Variants in ATAD2B observed in about 807,000 individuals in gnomAD.
ATAD2B encodes the protein ATPase family AAA domain containing 2B.
ATAD2B carries 40 observed loss-of-function variants against 167.6 expected under a neutral mutation model. The observed-to-expected ratio is 0.24, with a 90% CI of 0.19 to 0.31. ATAD2B has a LOEUF of 0.31. Among genes scored for constraint, ATAD2B ranks in the 10% least tolerant of loss-of-function variants. ATAD2B has a pLI of 1.00. For synonymous variants in ATAD2B, 579 were observed against 596.5 expected (o/e 0.97, Z 0.43); for missense variants, 1,242 against 1,757.2 (o/e 0.71, Z 5.24).
In ATAD2B at chr2:23,880,645, G is replaced by C; in HGVS notation, c.895C>G (p.Pro299Ala). 1.9e-6 allele frequency: 3 copies of C among 1,586,216 alleles called. No homozygotes were observed. Among genetic ancestry groups the C allele is most frequent in the Non-Finnish European group, 2.6e-6 (3 of 1,159,944 alleles). ...RKTVDRYQAPPIVPAHQKKRE... is the reference protein window; with the variant it reads ...RKTVDRYQAPAIVPAHQKKRE... ...GTTATTTAGAGTTGCCTACCTATTGGAGGTGCTTGGTATCGATCCACTGTT... is the reference window on the plus strand; with the variant it reads ...GTTATTTAGAGTTGCCTACCTATTGCAGGTGCTTGGTATCGATCCACTGTT... Residue 299 changes from proline to alanine, a missense_variant, in exon 7 of 28, where the codon CCA becomes GCA. Physicochemically the swap from Pro to Ala is conservative, Grantham distance 27 (BLOSUM62 -1). Transcript: ENST00000238789.
chr2:23,858,754 A>T (rs951684884), intron 12 of ATAD2B, among the ~76,000 whole-genome samples: 1 of 152,078 alleles, frequency 6.6e-6, no homozygotes, highest in African/African-American at 2.4e-5. Context: ...ATGTGCTGGG[A>T]TTACAGGTCT....
intron 16 of ATAD2B, among the ~76,000 whole-genome samples, chr2:23,822,288 A>G (rs1260101488): frequency 1.3e-5 from 2 of 152,212 alleles, no homozygotes; most frequent in Admixed American, 1.3e-4. Flanking sequence ...TAATCCCAGC[A>G]CTTTGGGAGG....
intron 1 of ATAD2B, among the ~76,000 whole-genome samples, chr2:23,922,788 C>T (rs531841173): frequency 2.0e-5 from 3 of 150,730 alleles, no homozygotes; most frequent in Admixed American, 1.3e-4. Flanking sequence ...CAGGGAAATG[C>T]AAATCAAAAC....
chr2:23,705,765 GAA>G, the ATAD2B span, among the ~76,000 whole-genome samples: 1 of 152,204 alleles, frequency 6.6e-6, no homozygotes, highest in Non-Finnish European at 1.5e-5. Context: ...TAGCTGAAAT[GAA>G]AGAGTGTCAG....
At chr2:23,875,055 C>CAAA (rs66995474) in intron 8 of ATAD2B, among the ~76,000 whole-genome samples, 14,307 of 126,914 alleles carry the variant, frequency 0.11, 958 homozygotes, top group Middle Eastern at 0.21. Flanking sequence ...GATTCCATCT[C>CAAA]AAAAAAAAAA....
At chr2:23,720,663 T>G in the ATAD2B span, among the ~76,000 whole-genome samples, 1 of 150,948 alleles carries the variant, frequency 6.6e-6, no homozygotes, top group East Asian at 2.0e-4. Flanking sequence ...CAGATCCGCC[T>G]GGAGTCAGGA....
At position 23,765,604 on chromosome 2, in the gene ATAD2B, C is replaced by A; in HGVS notation, c.3158G>T (p.Cys1053Phe). The A allele has an allele frequency of 6.6e-7, 1 of 1,509,738 alleles. No homozygotes were observed. The allele number at this position is 1,509,738 out of a possible 1,614,324, so 93.5% of individuals were successfully genotyped here. A position where few individuals can be genotyped will look rare whatever the true frequency, so the allele number is the denominator to read the frequency against. Residue 1053 changes from cysteine (C) to phenylalanine (F), a missense_variant, in exon 23 of 28, where the codon TGT (cysteine) becomes TTT (phenylalanine). By Grantham distance (205) the Cys-to-Phe change is radical (BLOSUM62 -2). Around this residue, in one of 9 missense-constraint regions of ATAD2B, gnomAD observed 204 missense variants for 324.0 expected, o/e 0.63. Coordinates refer to ENST00000238789, the MANE Select transcript of ATAD2B (RefSeq NM_017552.4). The stretch of plus-strand genomic sequence containing the variant: ...AGCATGTGCAGTGTCCTTCAGGGTA[C>A]AAGCCCTGTGCCTAATTATTTTATC... ...PGDKIIRHRA[C>F]TLKDTAHAII...
At chr2:23,680,380 C>T in the ATAD2B span, among the ~76,000 whole-genome samples, 7 of 152,104 alleles carry the variant, frequency 4.6e-5, no homozygotes, top group Non-Finnish European at 1.0e-4. This position sits in a 1 kb window ranked among gnomAD's most constrained non-coding sequence, Gnocchi z 4.1. Flanking sequence ...GGGAAAGGGG[C>T]AAAGAGGCCT....
chr2:23,738,424 C>A, the ATAD2B span, among the ~76,000 whole-genome samples: 1 of 152,108 alleles, frequency 6.6e-6, no homozygotes, highest in Non-Finnish European at 1.5e-5. Context: ...AATTTTCAAC[C>A]CAGAATTTCA....
chr2:23,915,731 A>G (rs542818191), intron 1 of ATAD2B, among the ~76,000 whole-genome samples: 115 of 150,886 alleles, frequency 7.6e-4, no homozygotes, highest in African/African-American at 2.6e-3. Flanking sequence ...AGCTGGGATT[A>G]CAAGCACGTG....
the ATAD2B span, among the ~76,000 whole-genome samples, chr2:23,698,916 G>A: frequency 2.0e-5 from 3 of 152,192 alleles, no homozygotes; most frequent in South Asian, 6.2e-4. Flanking sequence ...AGGACTAACA[G>A]CCACATAATC....
chr2:23,882,824 C>T (rs115559719), intron 6 of ATAD2B, among the ~76,000 whole-genome samples: 1 of 113,610 alleles, frequency 8.8e-6, no homozygotes, highest in Non-Finnish European at 2.0e-5. Flanking sequence ...ACAACAACAA[C>T]AAAAAAAAAA....
the ATAD2B span, among the ~76,000 whole-genome samples, chr2:23,713,334 C>T: frequency 1.3e-5 from 2 of 152,226 alleles, no homozygotes; most frequent in Non-Finnish European, 2.9e-5. Context: ...CACTTTCTAT[C>T]ACCACTGCCT....
Position 23,798,222 on chromosome 2 carries a change from C to T in ATAD2B, c.2556G>A (p.Leu852=). Residue 852 remains leucine, a synonymous_variant, in exon 19 of 28, where the codon CTG becomes CTA. Transcript: ENST00000238789. The part of the protein sequence containing the change: ...AVSETVRATF[L]TLLQDIPSFS... ...ATGATGGTATATCTTGTAGCAATGT[C>T]AGAAAAGTTGCTCTCACAGTTTCAC... 1.2e-6 allele frequency: 2 copies of T among 1,608,918 alleles called. No individual in the cohort carries two copies. Among genetic ancestry groups the T allele is most frequent in the Admixed American group, 1.7e-5 (1 of 59,834 alleles).
the ATAD2B span, among the ~76,000 whole-genome samples, chr2:23,728,090 C>G: frequency 1.3e-5 from 2 of 151,998 alleles, no homozygotes; most frequent in African/African-American, 4.8e-5. Flanking sequence ...ATTTGCTTAC[C>G]AATTGTAACA....
chr2:23,860,842 G>A (rs1354169429), intron 12 of ATAD2B, among the ~76,000 whole-genome samples: 1 of 152,114 alleles, frequency 6.6e-6, no homozygotes, highest in South Asian at 2.1e-4. Flanking sequence ...ATGGTGGCAG[G>A]TGCCCATAAT....
At position 23,858,092 on chromosome 2, in the gene ATAD2B, T is replaced by A. The variant is rs148526051; in HGVS notation, c.1480-589A>T. 2.3e-3 allele frequency among the ~76,000 whole-genome samples: 349 copies of A among 150,690 alleles called. 3 individuals carry two copies. Among genetic ancestry groups the A allele is most frequent in the African/African-American group, 8.3e-3 (340 of 41,084 alleles). On this transcript the variant is annotated intron_variant, in intron 12 of 27. Coordinates refer to ENST00000238789, the MANE Select transcript of ATAD2B (RefSeq NM_017552.4). ...CATGATAGCACACCACACACATTCTTTTTATTTATTTGTTTTAGGTTTTAT... is the reference window on the plus strand; with the variant it reads ...CATGATAGCACACCACACACATTCTATTTATTTATTTGTTTTAGGTTTTAT...
chr2:23,706,884 CCGCCATGGGGCT>C, the ATAD2B span: 1 of 470,502 alleles, frequency 2.1e-6, no homozygotes, highest in East Asian at 3.7e-5. Context: ...AACCACGATC[CCGCCATGGGGCT>C]GGCTGCCTCC....
the ATAD2B span, among the ~76,000 whole-genome samples, chr2:23,699,836 A>ACTT: frequency 3.3e-5 from 5 of 152,080 alleles, no homozygotes; most frequent in Admixed American, 6.5e-5. Flanking sequence ...CCTCTTCAGC[A>ACTT]CTTTCTCCTA....
Sources: allele counts gnomAD v4.1 joint callset (sites outside exome capture counted in the v4.1 genomes callset), GRCh38; gene constraint gnomAD v4.1.1; regional missense constraint gnomAD v4.1.1; non-coding constraint Gnocchi (gnomAD v3.1); transcripts MANE v1.5; gene names NCBI Gene and HGNC (gene_info 2026-07-23, HGNC 2026-07-21).